CTNNA2: variants seen among roughly 807,000 people sequenced by gnomAD.
The protein encoded by CTNNA2 is catenin alpha 2, also known as catenin alpha-2.
CTNNA2 carries 42 observed loss-of-function variants against 101.0 expected under a neutral mutation model. That is an observed-to-expected ratio of 0.42 (90% CI 0.32 to 0.54). The LOEUF (loss-of-function observed/expected upper bound fraction) is 0.54, where lower values mean the gene tolerates loss of function less well. Ranked by LOEUF, CTNNA2 falls within the 20% of genes least tolerant of loss-of-function variation. The probability of loss-of-function intolerance (pLI) is 0.14; values close to 1 mark genes in which losing one functional copy is unlikely to be tolerated. For missense variants in CTNNA2, 871 were observed against 1,223.1 expected, an observed-to-expected ratio of 0.71 and a Z score of 4.29; for synonymous variants, 450 against 456.4, an observed-to-expected ratio of 0.99 and a Z score of 0.18.
At chr2:80,103,900 A>G (rs1449488926) in intron 7 of CTNNA2, among the ~76,000 whole-genome samples, 1 of 152,130 alleles carries the variant, frequency 6.6e-6, no homozygotes, top group East Asian at 1.9e-4. Context: ...ATGGCGGCTA[A>G]CTTTTGTATT....
intron 7 of CTNNA2, among the ~76,000 whole-genome samples, chr2:80,292,679 C>T: frequency 6.6e-6 from 1 of 152,184 alleles, no homozygotes; most frequent in South Asian, 2.1e-4. Flanking sequence ...GCATAGTCCT[C>T]TTGAGAATGC....
intron 3 of CTNNA2, among the ~76,000 whole-genome samples, chr2:79,342,618 C>T (rs1277403030): frequency 6.6e-6 from 1 of 152,142 alleles, no homozygotes; most frequent in African/African-American, 2.4e-5. Context: ...ATTAGTTTAT[C>T]TTGAAGATTT....
At chr2:80,635,971 C>CTTTTTTT (rs60757492) in intron 18 of CTNNA2, among the ~76,000 whole-genome samples, 11 of 115,640 alleles carry the variant, frequency 9.5e-5, no homozygotes, top group South Asian at 2.9e-4. Flanking sequence ...ATGCCCATTG[C>CTTTTTTT]TTTTTTTTTT....
intron 7 of CTNNA2, among the ~76,000 whole-genome samples, chr2:80,222,010 G>A (rs1034491156): frequency 1.3e-4 from 20 of 152,112 alleles, no homozygotes; most frequent in African/African-American, 4.8e-4. Context: ...CTCCTGGAAG[G>A]CTTTGCCATT....
At chr2:80,104,127 G>C (rs531213445) in intron 7 of CTNNA2, among the ~76,000 whole-genome samples, 3 of 152,092 alleles carry the variant, frequency 2.0e-5, no homozygotes, top group Non-Finnish European at 4.4e-5. Flanking sequence ...AATCTCTCAG[G>C]CATGTTGGGG....
intron 7 of CTNNA2, among the ~76,000 whole-genome samples, chr2:80,262,230 T>C (rs1198628285): frequency 6.6e-6 from 1 of 152,144 alleles, no homozygotes; most frequent in African/African-American, 2.4e-5. Context: ...GAGATCATAT[T>C]GCTCAATATT....
intron 3 of CTNNA2, among the ~76,000 whole-genome samples, chr2:79,362,731 T>G (rs980693295): frequency 3.3e-5 from 5 of 152,306 alleles, no homozygotes; most frequent in African/African-American, 1.2e-4. Context: ...AGTTTCCCCA[T>G]CAGCTGTGGT....
chr2:79,687,567 A>G lies in CTNNA2; in HGVS notation c.102+35909A>G, dbSNP rs866469891. ...CATTGTTTTGTTTGCCTTGCAGTGC[A>G]TTTTTTTTTCCACCGGATATTTCAA... is the stretch of plus-strand genomic sequence containing the variant. On this transcript the variant is annotated intron_variant, in intron 2 of 18. Transcript: ENST00000402739. The G allele has an allele frequency of 8.7e-6, 6 of 693,262 alleles. No individual in the cohort carries two copies. In the Middle Eastern group the frequency reaches 9.8e-4, roughly 113 times the overall value. 42.9% of individuals were successfully genotyped at this position (693,262 alleles called of 1,614,324 possible).
intron 3 of CTNNA2, among the ~76,000 whole-genome samples, chr2:79,793,964 A>T (rs764527948): frequency 1.3e-5 from 2 of 151,500 alleles, no homozygotes; most frequent in Admixed American, 6.6e-5. Context: ...GATACAATGG[A>T]CTTTGGGGAC....
chr2:80,197,728 G>T (rs1195557736), intron 7 of CTNNA2, among the ~76,000 whole-genome samples: 1 of 152,068 alleles, frequency 6.6e-6, no homozygotes, highest in Non-Finnish European at 1.5e-5. Context: ...GTCCAGTCAG[G>T]CTCACCTTCA....
rs577348447 is a variant in CTNNA2, at chr2:80,117,142, G to C, written c.1056+207345G>C. Among the ~76,000 whole-genome samples the C allele has an allele frequency of 9.2e-5, 14 of 152,218 alleles. No homozygotes were observed. In the East Asian group the frequency reaches 2.5e-3, roughly 27 times the overall value. ...GCTATTTAATTCCTAATCTGTAAGA[G>C]TCTGTAGAAGCTAAAGAAATATCTT... is the stretch of plus-strand genomic sequence containing the variant. On this transcript the variant is annotated intron_variant, in intron 7 of 18. Transcript: ENST00000402739.
chr2:80,605,588 C>G (rs1423932152), intron 16 of CTNNA2: 3 of 151,712 alleles, frequency 2.0e-5, no homozygotes, highest in Non-Finnish European at 2.9e-5. Context: ...AGGGTTGCTC[C>G]TCTAAATACT....
intron 7 of CTNNA2, among the ~76,000 whole-genome samples, chr2:80,381,874 G>A (rs1204318717): frequency 2.0e-5 from 3 of 152,106 alleles, no homozygotes; most frequent in African/African-American, 7.2e-5. Flanking sequence ...CTGTTTTCAA[G>A]CTTATCTACT....
intron 9 of CTNNA2, among the ~76,000 whole-genome samples, chr2:80,477,248 C>T (rs907483957): frequency 2.6e-5 from 4 of 152,098 alleles, no homozygotes; most frequent in African/African-American, 9.7e-5. Context: ...AAAATGAACA[C>T]TTGTTTTTGA....
At chr2:80,435,984 T>A in intron 9 of CTNNA2, among the ~76,000 whole-genome samples, 1 of 152,136 alleles carries the variant, frequency 6.6e-6, no homozygotes, top group South Asian at 2.1e-4. Context: ...CCTAGTGATC[T>A]CCTGCTTAAT....
intron 2 of CTNNA2, among the ~76,000 whole-genome samples, chr2:79,289,771 T>G (rs567821730): frequency 6.6e-6 from 1 of 152,060 alleles, no homozygotes; most frequent in Non-Finnish European, 1.5e-5. Flanking sequence ...AAGAAAAGAA[T>G]GCAGCAACCA....
At chr2:79,206,371 T>C (rs1486151040) in intron 2 of CTNNA2, among the ~76,000 whole-genome samples, 2 of 152,054 alleles carry the variant, frequency 1.3e-5, no homozygotes, top group Non-Finnish European at 2.9e-5. Flanking sequence ...GGTCAATATA[T>C]TTAAATGTAT....
At chr2:80,315,808 T>A (rs1678063456) in intron 7 of CTNNA2, among the ~76,000 whole-genome samples, 1 of 152,210 alleles carries the variant, frequency 6.6e-6, no homozygotes, top group Non-Finnish European at 1.5e-5. Context: ...ATTACAACTC[T>A]AAGTATGAAA....
At position 79,418,221 on chromosome 2, in the gene CTNNA2, G is replaced by T. The variant is rs143783555; in HGVS notation, c.-135+44208G>T. Among the ~76,000 whole-genome samples the T allele has an allele frequency of 2.1e-3, 314 of 152,182 alleles. 1 individual carries two copies. Among genetic ancestry groups the T allele is most frequent in the African/African-American group, 6.8e-3 (284 of 41,528 alleles). Reference sequence around the variant, plus strand: ...TCTACAATGGTGATGTTATCTGCAGGAATCACTGGGGAAGTTGCGTGTCTT... The same window carrying T: ...TCTACAATGGTGATGTTATCTGCAGTAATCACTGGGGAAGTTGCGTGTCTT... On this transcript the variant is annotated intron_variant, in intron 4 of 21. Coordinates refer to the CTNNA2 transcript ENST00000466387.
Sources: allele counts gnomAD v4.1 joint callset (sites outside exome capture counted in the v4.1 genomes callset), GRCh38; gene constraint gnomAD v4.1.1; transcripts MANE v1.5; gene names NCBI Gene and HGNC (gene_info 2026-07-23, HGNC 2026-07-21).